Variants in SBF2 observed in about 807,000 individuals in gnomAD.
SBF2 encodes myotubularin-related protein 13.
A neutral mutation model predicts 225.2 loss-of-function variants in SBF2; 112 were observed. The ratio of observed to expected loss-of-function variants is 0.50; its 90% confidence interval spans 0.43 to 0.58. The LOEUF (loss-of-function observed/expected upper bound fraction) is 0.58, where lower values mean the gene tolerates loss of function less well. Ranked by LOEUF, SBF2 falls within the 20% of genes least tolerant of loss-of-function variation. SBF2 has a pLI of 0.00. For missense variants in SBF2, 1,996 were observed against 2,206.2 expected, an observed-to-expected ratio of 0.90 and a Z score of 1.91; for synonymous variants, 763 against 773.3, an observed-to-expected ratio of 0.99 and a Z score of 0.22.
chr11:9,925,584 G>T (rs1863972825), intron 16 of SBF2, among the ~76,000 whole-genome samples: 2 of 152,212 alleles, frequency 1.3e-5, no homozygotes, highest in South Asian at 2.1e-4. Context: ...CCACTAATGA[G>T]ATATTTTATA....
intron 32 of SBF2, among the ~76,000 whole-genome samples, chr11:9,806,101 C>G (rs1411432584): frequency 6.6e-6 from 1 of 152,080 alleles, no homozygotes; most frequent in Non-Finnish European, 1.5e-5. Flanking sequence ...TCCCTGTTCC[C>G]AAGAATTCTC....
chr11:10,075,958 T>A (rs1262361964), intron 2 of SBF2, among the ~76,000 whole-genome samples: 1 of 151,576 alleles, frequency 6.6e-6, no homozygotes, highest in African/African-American at 2.4e-5. Context: ...GCTCACCCAC[T>A]CAGAAATAGC....
At chr11:9,980,693 C>T (rs1304070036) in intron 13 of SBF2, among the ~76,000 whole-genome samples, 2 of 152,028 alleles carry the variant, frequency 1.3e-5, no homozygotes, top group Non-Finnish European at 2.9e-5. Flanking sequence ...ATTCTCCTGC[C>T]TCAGCCTCCG....
intron 1 of SBF2, among the ~76,000 whole-genome samples, chr11:10,202,923 C>G (rs1957619624): frequency 1.3e-5 from 2 of 152,128 alleles, no homozygotes; most frequent in Non-Finnish European, 1.5e-5. Context: ...TTTTCAGACA[C>G]CTGACATCAG....
chr11:10,242,450 A>G (rs1034410595), intron 1 of SBF2, among the ~76,000 whole-genome samples: 2 of 152,158 alleles, frequency 1.3e-5, no homozygotes, highest in African/African-American at 4.8e-5. Context: ...CAAAACAAAA[A>G]TAACTATAAA....
intron 2 of SBF2, among the ~76,000 whole-genome samples, chr11:10,190,226 C>T (rs1268291710): frequency 6.6e-6 from 1 of 151,780 alleles, no homozygotes; most frequent in African/African-American, 2.4e-5. Flanking sequence ...TTAGATGTCT[C>T]TGATCTAGCC....
chr11:10,100,747 G>A (rs1037636269), intron 2 of SBF2, among the ~76,000 whole-genome samples: 5 of 151,992 alleles, frequency 3.3e-5, no homozygotes, highest in Non-Finnish European at 7.4e-5. Flanking sequence ...TGGAGTATCC[G>A]TCTGTAGCCC....
intron 2 of SBF2, among the ~76,000 whole-genome samples, chr11:10,147,795 A>G (rs1954960344): frequency 6.6e-6 from 1 of 152,224 alleles, no homozygotes; most frequent in Non-Finnish European, 1.5e-5. Flanking sequence ...AACAGTGAAT[A>G]AGGCAGAGTT....
intron 13 of SBF2, among the ~76,000 whole-genome samples, chr11:9,972,746 G>A (rs1021363995): frequency 4.6e-5 from 7 of 152,194 alleles, no homozygotes; most frequent in East Asian, 1.9e-4. Flanking sequence ...CTCCCAAAGC[G>A]CTGGGATTAC....
chr11:9,925,283 GAT>G (rs369454799), intron 16 of SBF2, among the ~76,000 whole-genome samples: 186 of 149,202 alleles, frequency 1.2e-3, no homozygotes, highest in African/African-American at 4.0e-3. Context: ...AGTCACTAAT[GAT>G]ATATATATAT....
At chr11:10,073,961 G>A (rs930389319) in intron 2 of SBF2, among the ~76,000 whole-genome samples, 3 of 152,246 alleles carry the variant, frequency 2.0e-5, no homozygotes, top group Middle Eastern at 3.4e-3. Context: ...TCTTTTAGAA[G>A]TACTCTAATA....
chr11:9,788,664 TGCTCCCTGCAA>T (rs1201419996), intron 35 of SBF2, among the ~76,000 whole-genome samples: 1 of 150,512 alleles, frequency 6.6e-6, no homozygotes, highest in Non-Finnish European at 1.5e-5. Context: ...GCGTGATCTC[TGCTCCCTGCAA>T]GCTCCGCCTC....
intron 16 of SBF2, among the ~76,000 whole-genome samples, chr11:9,955,714 A>ATGGTGG (rs1866116728): frequency 6.6e-6 from 1 of 152,126 alleles, no homozygotes; most frequent in Non-Finnish European, 1.5e-5. Context: ...CATAAAATAT[A>ATGGTGG]CATAAGCTAT....
At chr11:10,072,377 A>G (rs139812408) in intron 2 of SBF2, among the ~76,000 whole-genome samples, 63 of 152,324 alleles carry the variant, frequency 4.1e-4, no homozygotes, top group Admixed American at 9.8e-4. Flanking sequence ...AAAATCTCTC[A>G]GGCCCAACAA....
intron 1 of SBF2, among the ~76,000 whole-genome samples, chr11:10,266,674 T>C (rs965363043): frequency 6.6e-6 from 1 of 152,206 alleles, no homozygotes; most frequent in Non-Finnish European, 1.5e-5. Context: ...CTAACAGCTA[T>C]GATGATGATG....
chr11:10,055,097 T>C (rs774758494), intron 2 of SBF2, among the ~76,000 whole-genome samples: 5 of 152,070 alleles, frequency 3.3e-5, no homozygotes, highest in Non-Finnish European at 7.4e-5. Context: ...AGACGGGGTT[T>C]TACCATGCTG....
At chr11:9,952,362 C>G (rs1367390785) in intron 16 of SBF2, among the ~76,000 whole-genome samples, 5 of 152,202 alleles carry the variant, frequency 3.3e-5, no homozygotes, top group African/African-American at 1.2e-4. Flanking sequence ...GGGGATCCAA[C>G]AGAATCTTAA....
At chr11:9,971,066 T>C (rs1222444530) in intron 13 of SBF2, among the ~76,000 whole-genome samples, 1 of 152,194 alleles carries the variant, frequency 6.6e-6, no homozygotes, top group African/African-American at 2.4e-5. Flanking sequence ...ATATCAATTC[T>C]CTAAAACATA....
At chr11:10,006,281 G>A (rs563835949) in intron 6 of SBF2, among the ~76,000 whole-genome samples, 3 of 152,270 alleles carry the variant, frequency 2.0e-5, no homozygotes, top group African/African-American at 7.2e-5. Flanking sequence ...CTCCCTTGTG[G>A]CTATCTAGAG....
Sources: allele counts gnomAD v4.1 joint callset (sites outside exome capture counted in the v4.1 genomes callset), GRCh38; gene constraint gnomAD v4.1.1; transcripts MANE v1.5; gene names NCBI Gene and HGNC (gene_info 2026-07-23, HGNC 2026-07-21).